SMYD1: variants seen among roughly 807,000 people sequenced by gnomAD.
SMYD1 encodes the protein histone-lysine N-methyltransferase SMYD1.
A neutral mutation model predicts 54.0 loss-of-function variants in SMYD1; 49 were observed. The observed-to-expected ratio is 0.91, with a 90% CI of 0.72 to 1.15. The LOEUF (loss-of-function observed/expected upper bound fraction) is 1.15, where lower values mean the gene tolerates loss of function less well. Ranked by LOEUF, SMYD1 falls within the 50% of genes most tolerant of loss-of-function variation. The pLI is 0.00. For missense variants in SMYD1, 653 were observed against 639.6 expected, an observed-to-expected ratio of 1.02 and a Z score of -0.23; for synonymous variants, 269 against 234.2, an observed-to-expected ratio of 1.15 and a Z score of -1.36.
At chr2:88,078,591 TA>T (rs67823958) in intron 1 of SMYD1, among the ~76,000 whole-genome samples, 40,343 of 151,940 alleles carry the variant, frequency 0.27, 5,505 homozygotes, top group African/African-American at 0.3. Flanking sequence ...GGGACAGGCT[TA>T]AAAAAAATTT....
intron 2 of SMYD1, among the ~76,000 whole-genome samples, chr2:88,085,461 G>A (rs1261094437): frequency 6.6e-6 from 1 of 152,202 alleles, no homozygotes; most frequent in Non-Finnish European, 1.5e-5. Flanking sequence ...GATGGTGACT[G>A]GGAGCATTTT....
At chr2:88,107,405 C>A (rs1280835505) in intron 8 of SMYD1, among the ~76,000 whole-genome samples, 3 of 152,162 alleles carry the variant, frequency 2.0e-5, no homozygotes, top group Admixed American at 2.0e-4. Flanking sequence ...GGGTGCCAAC[C>A]AGGTGAAAAT....
intron 6 of SMYD1, among the ~76,000 whole-genome samples, chr2:88,097,925 G>A (rs1215549324): frequency 1.3e-5 from 2 of 152,124 alleles, no homozygotes; most frequent in Non-Finnish European, 2.9e-5. Context: ...CCCCTCCCAG[G>A]CAGAGACAAA....
chr2:88,067,990 G>A lies in SMYD1; in HGVS notation c.126G>A (p.Val42=). The A allele has an allele frequency of 6.2e-7, 1 of 1,613,428 alleles. No individual in the cohort carries two copies. Among genetic ancestry groups the A allele is most frequent in the Non-Finnish European group, 8.5e-7 (1 of 1,179,904 alleles). Residue 42 remains valine, a synonymous_variant, in exon 1 of 10, where the codon GTG becomes GTA. Transcript: ENST00000419482. The part of the protein sequence containing the change: ...IIFAERAYSA[V]VFDSLVNFVC... The stretch of plus-strand genomic sequence containing the variant: ...TTGCTGAGCGGGCTTATTCCGCAGT[G>A]GTTTTTGACAGGTATGAAATGTGGG...
At chr2:88,070,335 G>A (rs1195692121) in intron 1 of SMYD1, among the ~76,000 whole-genome samples, 1 of 152,152 alleles carries the variant, frequency 6.6e-6, no homozygotes, top group Non-Finnish European at 1.5e-5. Context: ...AAACTGGCTT[G>A]TTTTAATCCA....
intron 4 of SMYD1, 66 bp from the exon 5 acceptor site, chr2:88,093,451 G>T (rs1652953186): frequency 1.3e-6 from 2 of 1,571,992 alleles, no homozygotes; most frequent in Admixed American, 3.3e-5. Context: ...GTACACCCTT[G>T]CACTGGATCA....
intron 3 of SMYD1, among the ~76,000 whole-genome samples, chr2:88,088,279 A>T (rs1259752021): frequency 1.3e-5 from 2 of 152,214 alleles, no homozygotes; most frequent in African/African-American, 2.4e-5. Flanking sequence ...TATTTACCGC[A>T]TGTAGCAGAA....
At chr2:88,075,140 C>T (rs1269342565) in intron 1 of SMYD1, among the ~76,000 whole-genome samples, 1 of 152,220 alleles carries the variant, frequency 6.6e-6, no homozygotes, top group Non-Finnish European at 1.5e-5. Flanking sequence ...CCACAGTCGA[C>T]TTAGAATTCT....
At position 88,091,181 on chromosome 2, in the gene SMYD1, TG is replaced by T. The variant is rs571061290; in HGVS notation, c.659+43del. 2.1e-3 allele frequency: 3,376 copies of T among 1,598,712 alleles called. 13 individuals are homozygous for T. The highest frequency in any genetic ancestry group is 2.5e-3 in the Non-Finnish European group (2,940 of 1,169,786). On this transcript the variant is annotated intron_variant, in intron 4 of 9. Transcript: ENST00000419482. ...TATGTGGGGGTGTGTGTGAAGGGGA[TG>T]GGGAGACCTATGGTGTTTTCTCCAC...
At chr2:88,100,063 C>T (rs74262989) in intron 6 of SMYD1, among the ~76,000 whole-genome samples, 31,780 of 151,222 alleles carry the variant, frequency 0.21, 3,469 homozygotes, top group Middle Eastern at 0.26. Flanking sequence ...GCTCCTCCCC[C>T]CCTCTTCCTC....
chr2:88,085,342 G>A (rs1674298744), intron 2 of SMYD1, among the ~76,000 whole-genome samples: 1 of 152,126 alleles, frequency 6.6e-6, no homozygotes. Flanking sequence ...AAGGCCTATA[G>A]CTCCAGCCCA....
chr2:88,106,022 ATG>A (rs1277129967), intron 7 of SMYD1, among the ~76,000 whole-genome samples: 1 of 151,974 alleles, frequency 6.6e-6, no homozygotes, highest in Non-Finnish European at 1.5e-5. Flanking sequence ...CTGTACATAT[ATG>A]TGTGTGTTTG....
At chr2:88,101,098 G>A (rs1193442189) in intron 6 of SMYD1, among the ~76,000 whole-genome samples, 1 of 152,208 alleles carries the variant, frequency 6.6e-6, no homozygotes, top group Non-Finnish European at 1.5e-5. Flanking sequence ...CTCTCATACT[G>A]CGAGATGAAA....
intron 2 of SMYD1, among the ~76,000 whole-genome samples, chr2:88,085,495 T>C (rs1674304291): frequency 1.3e-5 from 2 of 152,140 alleles, no homozygotes; most frequent in African/African-American, 4.8e-5. Context: ...GTGTGTGAAG[T>C]TAAGGCACAG....
At chr2:88,099,240 C>A (rs1329320812) in intron 6 of SMYD1, among the ~76,000 whole-genome samples, 1 of 152,012 alleles carries the variant, frequency 6.6e-6, no homozygotes, top group Non-Finnish European at 1.5e-5. Flanking sequence ...TGCATGTCAC[C>A]GCTGCTGGCT....
intron 1 of SMYD1, among the ~76,000 whole-genome samples, chr2:88,080,686 T>C (rs1460135369): frequency 6.6e-6 from 1 of 152,156 alleles, no homozygotes; most frequent in Non-Finnish European, 1.5e-5. Context: ...ACATCTGCTC[T>C]TCCTTCCTCG....
At chr2:88,105,736 G>A (rs1438672633) in intron 7 of SMYD1, among the ~76,000 whole-genome samples, 4 of 152,124 alleles carry the variant, frequency 2.6e-5, no homozygotes, top group Non-Finnish European at 4.4e-5. Flanking sequence ...TCAGGAGTTG[G>A]AGACCAGCCT....
At chr2:88,099,648 A>G (rs1030468681) in intron 6 of SMYD1, among the ~76,000 whole-genome samples, 2 of 151,972 alleles carry the variant, frequency 1.3e-5, no homozygotes, top group Non-Finnish European at 2.9e-5. Context: ...ACTTGAACCC[A>G]GAAGGTGGAG....
rs1674274637 is a variant in SMYD1 at position 88,084,458 on chromosome 2, A to G, written c.280A>G (p.Lys94Glu). 1 of 1,603,302 alleles carries G rather than the reference A, an allele frequency of 6.2e-7. No individual in the cohort carries two copies. The highest frequency in any genetic ancestry group is 2.2e-5 in the East Asian group (1 of 44,622). Residue 94 changes from lysine (K) to glutamate (E), a missense_variant, in exon 2 of 10, where the codon AAG becomes GAG. Lys to Glu is a moderately conservative substitution (Grantham distance 56). Transcript: ENST00000419482. ...LNHKNECSAIKRYGKVPNENI... is the reference protein window; with the variant it reads ...LNHKNECSAIERYGKVPNENI... ...CCACAAGAATGAATGTTCGGCCATCAAGAGATATGGGAAGGTGCCCAATGA... is the reference window on the plus strand; with the variant it reads ...CCACAAGAATGAATGTTCGGCCATCGAGAGATATGGGAAGGTGCCCAATGA...
Sources: gnomAD v4.1 joint callset for allele counts (sites outside exome capture counted in the v4.1 genomes callset) on GRCh38, gnomAD v4.1.1 for gene constraint, MANE v1.5 for transcripts, NCBI Gene and HGNC (gene_info 2026-07-23, HGNC 2026-07-21) for gene names.